The following RHEX variants were observed in gnomAD, a reference collection of about 807,000 sequenced individuals.
The protein encoded by RHEX is regulator of hemoglobinization and erythroid cell expansion.
Under a neutral mutation model 20.1 loss-of-function variants are expected in RHEX, and 18 were observed. That is an observed-to-expected ratio of 0.90 (90% CI 0.62 to 1.33). RHEX has a LOEUF of 1.33. Among genes scored for constraint, RHEX ranks in the 40% most tolerant of loss-of-function variants. RHEX has a pLI of 0.00. For missense variants in RHEX, 192 were observed against 214.3 expected (o/e 0.90, Z 0.65); for synonymous variants, 87 against 77.1 (o/e 1.13, Z -0.67).
intron 4 of RHEX, among the ~76,000 whole-genome samples, chr1:206,100,021 C>T (rs948311952): frequency 1.4e-4 from 22 of 152,146 alleles, no homozygotes; most frequent in African/African-American, 4.6e-4. Flanking sequence ...AGTTCTTTCC[C>T]GGGTTTAGTC....
At chr1:206,100,840 G>C (rs1331961471) in intron 4 of RHEX, among the ~76,000 whole-genome samples, 1 of 152,184 alleles carries the variant, frequency 6.6e-6, no homozygotes, top group Admixed American at 6.5e-5. Context: ...AGTCAACCTA[G>C]TGTATTTTTT....
At position 206,097,576 on chromosome 1, in the gene RHEX, A is replaced by G. The variant is rs116935117; in HGVS notation, c.-96-157A>G. On this transcript the variant is annotated intron_variant, in intron 1 of 5. Coordinates refer to ENST00000331555, the MANE Select transcript of RHEX (RefSeq NM_001007544.4). ...TTACTCATCAAGGTTCTTTAGGAGA[A>G]GTGTCTAGAATGTATCATGTAGGAA... is the stretch of plus-strand genomic sequence containing the variant. 3,491 of 563,180 alleles carry G rather than the reference A, an allele frequency of 6.2e-3. 119 individuals are homozygous for G. The Admixed American group carries it at 0.07, about 11-fold the overall frequency. The allele number at this position is 563,180 out of a possible 1,614,324, so 34.9% of individuals were successfully genotyped here.
intron 4 of RHEX, among the ~76,000 whole-genome samples, chr1:206,100,022 G>C (rs58792157): frequency 1.3e-5 from 2 of 152,146 alleles, no homozygotes; most frequent in Non-Finnish European, 2.9e-5. Flanking sequence ...GTTCTTTCCC[G>C]GGTTTAGTCG....
At chr1:206,063,428 C>G (rs1335892548) in intron 1 of RHEX, among the ~76,000 whole-genome samples, 1 of 152,244 alleles carries the variant, frequency 6.6e-6, no homozygotes, top group African/African-American at 2.4e-5. Context: ...TCCACCGTCT[C>G]CCTCTCACGC....
intron 1 of RHEX, among the ~76,000 whole-genome samples, chr1:206,059,615 TAAAG>T (rs1191799728): frequency 6.6e-6 from 1 of 152,108 alleles, no homozygotes; most frequent in Admixed American, 6.5e-5. Context: ...TGAATGCAGA[TAAAG>T]AGAGCTTTGG....
At position 206,053,213 on chromosome 1, in the gene RHEX, T is replaced by C. The variant is rs554972510; in HGVS notation, c.-149T>C. On this transcript the variant is annotated 5_prime_UTR_variant, in exon 1 of 6. Transcript: ENST00000331555. Reference sequence around the variant, plus strand: ...AGTTCCCTGTGGAGGATTAACACAGTGGCTGAACACCGGGAAGGAACTGGC... The same window carrying C: ...AGTTCCCTGTGGAGGATTAACACAGCGGCTGAACACCGGGAAGGAACTGGC... 1 of 152,800 alleles carries C rather than the reference T, an allele frequency of 6.5e-6. No individual in the cohort carries two copies. The highest frequency in any genetic ancestry group is 2.1e-4 in the South Asian group (1 of 4,836). 9.5% of individuals were successfully genotyped at this position (152,800 alleles called of 1,614,324 possible). A position where few individuals can be genotyped will look rare whatever the true frequency, so the allele number is the denominator to read the frequency against.
At chr1:206,090,208 T>C (rs941786246) in intron 1 of RHEX, among the ~76,000 whole-genome samples, 7 of 143,658 alleles carry the variant, frequency 4.9e-5, no homozygotes, top group African/African-American at 1.6e-4. Context: ...CTTTCTTTTT[T>C]TTTTTTTTTT....
At chr1:206,054,178 A>G (rs1553282246) in intron 1 of RHEX, among the ~76,000 whole-genome samples, 1 of 152,142 alleles carries the variant, frequency 6.6e-6, no homozygotes, top group Non-Finnish European at 1.5e-5. Flanking sequence ...AGAGTGTTAT[A>G]TGGTAAATTC....
chr1:206,078,841 A>G (rs1662683437), intron 1 of RHEX, among the ~76,000 whole-genome samples: 2 of 152,214 alleles, frequency 1.3e-5, no homozygotes, highest in Non-Finnish European at 2.9e-5. Context: ...CCATGAAGCC[A>G]TGTTGTCATT....
In RHEX at chr1:206,057,743, G is replaced by GCA. The variant is rs539404353; in HGVS notation, c.-97+4479_-97+4480dup. Among the ~76,000 whole-genome samples, 466 of 152,344 alleles carry GCA rather than the reference G, an allele frequency of 3.1e-3. 2 individuals are homozygous for GCA. The highest frequency in any genetic ancestry group is 0.011 in the African/African-American group (451 of 41,552). On this transcript the variant is annotated intron_variant, in intron 1 of 5. Transcript: ENST00000331555. ...GTCTGTGCTTCCTGTGAAAAATGAAGCATAGCCATAGGTGATTGGAAAGAC... is the reference window on the plus strand; with the variant it reads ...GTCTGTGCTTCCTGTGAAAAATGAAGCACATAGCCATAGGTGATTGGAAAGAC...
intron 1 of RHEX, among the ~76,000 whole-genome samples, chr1:206,058,743 C>T (rs1456983971): frequency 2.0e-5 from 3 of 152,274 alleles, no homozygotes; most frequent in African/African-American, 7.2e-5. Context: ...TCAATCATGA[C>T]CCTTTCATGT....
In RHEX at chr1:206,094,448, G is replaced by A. The variant is rs1276737483; in HGVS notation, c.-96-3285G>A. Among the ~76,000 whole-genome samples the A allele has an allele frequency of 2.0e-5, 3 of 152,134 alleles. 1 individual carries two copies. Among genetic ancestry groups the A allele is most frequent in the Non-Finnish European group, 4.4e-5 (3 of 68,034 alleles). ...CACCATCGTGGTGGAGGATTTTAGG[G>A]TTGAATAATACCTAATAATTACTGA... is the stretch of plus-strand genomic sequence containing the variant. On this transcript the variant is annotated intron_variant, in intron 1 of 5. Transcript: ENST00000331555.
chr1:206,058,998 G>C (rs548866754), intron 1 of RHEX, among the ~76,000 whole-genome samples: 1 of 152,076 alleles, frequency 6.6e-6, no homozygotes, highest in African/African-American at 2.4e-5. Flanking sequence ...CCCAGGATAG[G>C]TACTTGCCTT....
intron 1 of RHEX, among the ~76,000 whole-genome samples, chr1:206,070,207 C>T (rs782412772): frequency 2.0e-5 from 3 of 152,194 alleles, no homozygotes; most frequent in Non-Finnish European, 4.4e-5. Flanking sequence ...AGCTCGCCCT[C>T]AGTAGAAGGG....
intron 1 of RHEX, among the ~76,000 whole-genome samples, chr1:206,087,021 A>T (rs1314067472): frequency 6.6e-6 from 1 of 152,012 alleles, no homozygotes; most frequent in African/African-American, 2.4e-5. Context: ...GAAAAGAAAA[A>T]CCCACAAAAC....
chr1:206,074,267 A>G (rs1209698276), intron 1 of RHEX, among the ~76,000 whole-genome samples: 3 of 152,330 alleles, frequency 2.0e-5, no homozygotes, highest in South Asian at 2.1e-4. Flanking sequence ...TCTAAAGTCT[A>G]TGTTCCCAAT....
intron 1 of RHEX, among the ~76,000 whole-genome samples, chr1:206,057,224 C>A (rs558112207): frequency 6.6e-6 from 1 of 152,252 alleles, no homozygotes; most frequent in Non-Finnish European, 1.5e-5. Context: ...CTCTACAAGT[C>A]GCCTATGTCA....
At chr1:206,097,930 G>T in intron 2 of RHEX, 91 bp downstream of exon 2, 1 of 1,219,220 alleles carries the variant, frequency 8.2e-7, no homozygotes. Context: ...CTTCCTGGCT[G>T]CCCCAGCCTT....
intron 1 of RHEX, among the ~76,000 whole-genome samples, chr1:206,070,827 G>C (rs1662511653): frequency 1.3e-5 from 2 of 152,172 alleles, no homozygotes; most frequent in African/African-American, 4.8e-5. Flanking sequence ...TCAGCCGTCA[G>C]TCTTGGCCCT....
Sources: gnomAD v4.1 joint callset for allele counts (sites outside exome capture counted in the v4.1 genomes callset) on GRCh38, gnomAD v4.1.1 for gene constraint, MANE v1.5 for transcripts, NCBI Gene and HGNC (gene_info 2026-07-23, HGNC 2026-07-21) for gene names.